ZNF385B: variants seen among roughly 807,000 people sequenced by gnomAD.
The protein encoded by ZNF385B is zinc finger protein 385B.
A neutral mutation model predicts 39.2 loss-of-function variants in ZNF385B; 23 were observed. The observed-to-expected ratio is 0.59, with a 90% CI of 0.42 to 0.83. ZNF385B has a LOEUF of 0.83. ZNF385B is among the 40% of genes least tolerant of loss of function. The pLI, the probability that ZNF385B is intolerant of heterozygous loss-of-function variation, is 0.00. For missense variants in ZNF385B, 552 were observed against 598.9 expected (o/e 0.92, Z 0.82); for synonymous variants, 205 against 222.6 (o/e 0.92, Z 0.70).
intron 1 of ZNF385B, among the ~76,000 whole-genome samples, chr2:179,779,457 G>A (rs1291014353): frequency 2.6e-5 from 4 of 152,216 alleles, no homozygotes; most frequent in Non-Finnish European, 4.4e-5. Context: ...TCTAGGGAAA[G>A]TGCAGAAGTG....
chr2:179,689,769 G>A lies in ZNF385B; in HGVS notation c.298+79734C>T, dbSNP rs539653382. 2.0e-4 allele frequency among the ~76,000 whole-genome samples: 29 copies of A among 147,864 alleles called. No homozygotes were observed. The East Asian group carries it at 5.2e-3, about 27-fold the overall frequency. Reference sequence around the variant, plus strand: ...AAGACAAGACTACATGAAGAAGAGCGTGAGGGCAGGGGCATGTGTGTGTGT... The same window carrying A: ...AAGACAAGACTACATGAAGAAGAGCATGAGGGCAGGGGCATGTGTGTGTGT... On this transcript the variant is annotated intron_variant, in intron 3 of 9. Coordinates refer to ENST00000410066, the MANE Select transcript of ZNF385B (RefSeq NM_152520.6).
intron 3 of ZNF385B, among the ~76,000 whole-genome samples, chr2:179,661,210 T>C (rs1173398418): frequency 6.6e-6 from 1 of 152,122 alleles, no homozygotes; most frequent in Non-Finnish European, 1.5e-5. Context: ...GGAAGGACTA[T>C]GAAAACAGGA....
chr2:179,534,359 C>T (rs1272804874), intron 4 of ZNF385B, among the ~76,000 whole-genome samples: 1 of 152,038 alleles, frequency 6.6e-6, no homozygotes, highest in African/African-American at 2.4e-5. Flanking sequence ...AAGAATAGAG[C>T]TTTGCTGTTT....
At chr2:179,563,655 C>G (rs1684197853) in intron 3 of ZNF385B, among the ~76,000 whole-genome samples, 1 of 152,046 alleles carries the variant, frequency 6.6e-6, no homozygotes, top group Admixed American at 6.6e-5. Flanking sequence ...TTTCCAGTCT[C>G]AATCATCTAA....
intron 3 of ZNF385B, among the ~76,000 whole-genome samples, chr2:179,661,051 C>T (rs921764104): frequency 6.6e-6 from 1 of 151,990 alleles, no homozygotes; most frequent in African/African-American, 2.4e-5. Context: ...TTCTCTATTC[C>T]TTAATTTGGA....
At chr2:179,754,805 A>G (rs1702904971) in intron 3 of ZNF385B, among the ~76,000 whole-genome samples, 1 of 151,984 alleles carries the variant, frequency 6.6e-6, no homozygotes, top group Admixed American at 6.5e-5. Flanking sequence ...TATTATGTCT[A>G]TTTGATTCTT....
At chr2:179,746,953 G>T (rs959801069) in intron 3 of ZNF385B, among the ~76,000 whole-genome samples, 1 of 152,100 alleles carries the variant, frequency 6.6e-6, no homozygotes, top group Admixed American at 6.6e-5. Context: ...TAAACTGGAA[G>T]AAATTCCTAG....
At chr2:179,474,155 T>A (rs1411525855) in intron 6 of ZNF385B, among the ~76,000 whole-genome samples, 1 of 151,754 alleles carries the variant, frequency 6.6e-6, no homozygotes, top group Admixed American at 6.6e-5. Flanking sequence ...AAACACACAT[T>A]TCTGGGATGT....
intron 3 of ZNF385B, among the ~76,000 whole-genome samples, chr2:179,560,904 G>A (rs1385829330): frequency 6.6e-6 from 1 of 152,160 alleles, no homozygotes; most frequent in East Asian, 1.9e-4. Context: ...CTCTAGTTCT[G>A]TCTCCAGTAG....
At chr2:179,654,382 C>A (rs1693519617) in intron 3 of ZNF385B, among the ~76,000 whole-genome samples, 2 of 152,086 alleles carry the variant, frequency 1.3e-5, no homozygotes, top group South Asian at 2.1e-4. Context: ...ATTTCCTATC[C>A]CCCTACCCCC....
chr2:179,730,263 A>G (rs1270898363), intron 3 of ZNF385B, among the ~76,000 whole-genome samples: 1 of 152,206 alleles, frequency 6.6e-6, no homozygotes, highest in Non-Finnish European at 1.5e-5. Context: ...TTCAATGACA[A>G]ATCATATTAC....
chr2:179,586,069 G>A (rs1328662763), intron 3 of ZNF385B, among the ~76,000 whole-genome samples: 1 of 152,190 alleles, frequency 6.6e-6, no homozygotes, highest in Non-Finnish European at 1.5e-5. Context: ...AAGGACCACT[G>A]TTAGGTCCTG....
chr2:179,457,122 G>A lies in ZNF385B; in HGVS notation c.716-10352C>T, dbSNP rs919565331. 3.9e-5 allele frequency among the ~76,000 whole-genome samples: 6 copies of A among 151,902 alleles called. No individual in the cohort carries two copies. The South Asian group carries it at 1.2e-3, about 32-fold the overall frequency. ...TTATCTATTTTTAAGCTTCATATAA[G>A]GAAATCACACAATATATTTCTTTTG... is the stretch of plus-strand genomic sequence containing the variant. On this transcript the variant is annotated intron_variant, in intron 6 of 9. Coordinates refer to ENST00000410066, the MANE Select transcript of ZNF385B (RefSeq NM_152520.6).
intron 3 of ZNF385B, among the ~76,000 whole-genome samples, chr2:179,551,355 C>T (rs1474451411): frequency 6.6e-6 from 1 of 152,012 alleles, no homozygotes; most frequent in Non-Finnish European, 1.5e-5. Flanking sequence ...TTCCAGACAG[C>T]AGTTTCACAT....
At chr2:179,494,515 A>G (rs1291821804) in intron 5 of ZNF385B, among the ~76,000 whole-genome samples, 4 of 152,194 alleles carry the variant, frequency 2.6e-5, no homozygotes, top group East Asian at 1.9e-4. Flanking sequence ...AATTTTTCAC[A>G]TATCTGCAAT....
chr2:179,827,797 C>T (rs1219677278), intron 1 of ZNF385B, among the ~76,000 whole-genome samples: 1 of 152,090 alleles, frequency 6.6e-6, no homozygotes, highest in Non-Finnish European at 1.5e-5. Context: ...ACGACGTGAA[C>T]GTGTCCCATG....
intron 6 of ZNF385B, 63 bp from the exon 7 acceptor site, chr2:179,446,833 C>A: frequency 6.7e-7 from 1 of 1,501,536 alleles, no homozygotes; most frequent in Non-Finnish European, 8.9e-7. Context: ...AGATAAATCA[C>A]CATAGATGAA....
intron 4 of ZNF385B, among the ~76,000 whole-genome samples, chr2:179,527,551 A>C (rs535421167): frequency 6.6e-6 from 1 of 150,468 alleles, no homozygotes; most frequent in South Asian, 2.1e-4. Context: ...GAGAAATTTC[A>C]TCTTCATTTT....
At chr2:179,789,185 C>A (rs543082898) in intron 1 of ZNF385B, among the ~76,000 whole-genome samples, 1 of 152,066 alleles carries the variant, frequency 6.6e-6, no homozygotes, top group Non-Finnish European at 1.5e-5. Flanking sequence ...TAGTGAAAAA[C>A]AAACTTACTT....
Sources: allele counts gnomAD v4.1 joint callset (sites outside exome capture counted in the v4.1 genomes callset), GRCh38; gene constraint gnomAD v4.1.1; transcripts MANE v1.5; gene names NCBI Gene and HGNC (gene_info 2026-07-23, HGNC 2026-07-21).